Variants in CDH18 observed in about 807,000 individuals in gnomAD.
The protein encoded by CDH18 is cadherin 18.
A neutral mutation model predicts 67.9 loss-of-function variants in CDH18; 31 were observed. The observed-to-expected ratio is 0.46, with a 90% CI of 0.34 to 0.62. The LOEUF (loss-of-function observed/expected upper bound fraction) is 0.62, where lower values mean the gene tolerates loss of function less well. CDH18 is among the 20% of genes least tolerant of loss of function. The pLI is 0.01. For missense variants in CDH18, 890 were observed against 975.5 expected (o/e 0.91, Z 1.17); for synonymous variants, 362 against 347.2 (o/e 1.04, Z -0.48).
intron 3 of CDH18, among the ~76,000 whole-genome samples, chr5:19,768,089 C>T (rs1773313267): frequency 1.3e-5 from 2 of 152,120 alleles, no homozygotes; most frequent in Non-Finnish European, 2.9e-5. Flanking sequence ...GCTGGAGTTC[C>T]TTCAAGCTAC....
intron 5 of CDH18, among the ~76,000 whole-genome samples, chr5:19,694,275 A>G (rs551242345): frequency 6.6e-6 from 1 of 152,236 alleles, no homozygotes; most frequent in South Asian, 2.1e-4. Flanking sequence ...CTCTGTTTTG[A>G]GCATTGGTTA....
chr5:20,507,630 AC>A (rs1460447270), intron 1 of CDH18, among the ~76,000 whole-genome samples: 3 of 152,192 alleles, frequency 2.0e-5, no homozygotes, highest in Non-Finnish European at 4.4e-5. Flanking sequence ...AAGATACTGA[AC>A]AAAAAGACAG....
intron 1 of CDH18, among the ~76,000 whole-genome samples, chr5:20,531,799 T>A (rs1040134119): frequency 2.0e-5 from 3 of 152,028 alleles, no homozygotes; most frequent in Non-Finnish European, 4.4e-5. Flanking sequence ...GGGCTTAATA[T>A]CTAGGTGATG....
intron 2 of CDH18, among the ~76,000 whole-genome samples, chr5:20,044,548 G>A (rs1248619438): frequency 6.6e-6 from 1 of 152,020 alleles, no homozygotes; most frequent in Non-Finnish European, 1.5e-5. Context: ...TTTAAGCATT[G>A]CATTCCACTT....
intron 8 of CDH18, among the ~76,000 whole-genome samples, chr5:19,558,892 C>G (rs1467049401): frequency 6.6e-6 from 1 of 151,502 alleles, no homozygotes; most frequent in Non-Finnish European, 1.5e-5. Context: ...AACATATATG[C>G]ATCAGACCCT....
chr5:19,793,377 A>G (rs2149821107), intron 3 of CDH18, among the ~76,000 whole-genome samples: 1 of 152,266 alleles, frequency 6.6e-6, no homozygotes, highest in Non-Finnish European at 1.5e-5. Flanking sequence ...ATCTATTAAG[A>G]GGGTTTTAAG....
intron 2 of CDH18, among the ~76,000 whole-genome samples, chr5:20,215,957 CATATT>C (rs1740734880): frequency 6.6e-6 from 1 of 151,624 alleles, no homozygotes; most frequent in African/African-American, 2.4e-5. Flanking sequence ...AGGAAAAACA[CATATT>C]AAGTCTTATC....
At chr5:20,364,300 A>T (rs549375352) in intron 1 of CDH18, among the ~76,000 whole-genome samples, 15 of 152,128 alleles carry the variant, frequency 9.9e-5, no homozygotes, top group Non-Finnish European at 1.6e-4. Flanking sequence ...AAATTAAAAA[A>T]ATAATTGAAC....
intron 1 of CDH18, among the ~76,000 whole-genome samples, chr5:20,313,182 G>A (rs1272556699): frequency 6.6e-6 from 1 of 152,102 alleles, no homozygotes; most frequent in Non-Finnish European, 1.5e-5. Flanking sequence ...GCAGTCAATA[G>A]ATTTTTCAGG....
chr5:19,714,839 G>T, intron 5 of CDH18, among the ~76,000 whole-genome samples: 1 of 151,776 alleles, frequency 6.6e-6, no homozygotes, highest in Non-Finnish European at 1.5e-5. Flanking sequence ...AAGAATCTAT[G>T]AATGATAAGT....
intron 3 of CDH18, among the ~76,000 whole-genome samples, chr5:19,826,502 G>A (rs1252051819): frequency 6.6e-6 from 1 of 152,150 alleles, no homozygotes; most frequent in African/African-American, 2.4e-5. Context: ...CCTACAAAGG[G>A]AAACTCATCA....
intron 8 of CDH18, among the ~76,000 whole-genome samples, chr5:19,554,865 A>G (rs1738107239): frequency 6.6e-6 from 1 of 151,714 alleles, no homozygotes; most frequent in African/African-American, 2.4e-5. Context: ...TTAATAATTT[A>G]ATTATTTTAG....
At chr5:20,271,116 T>G (rs190872609) in intron 1 of CDH18, among the ~76,000 whole-genome samples, 2,227 of 152,030 alleles carry the variant, frequency 0.015, 32 homozygotes, top group South Asian at 0.03. Context: ...AGCCTGCACA[T>G]GTACCCCTGA....
intron 5 of CDH18, among the ~76,000 whole-genome samples, chr5:19,684,685 T>C (rs1760816226): frequency 6.6e-6 from 1 of 151,900 alleles, no homozygotes; most frequent in South Asian, 2.1e-4. Context: ...CCCTGTAATT[T>C]GGAATTGGAT....
Position 19,685,321 on chromosome 5 carries a change from C to A in CDH18, c.643+36026G>T, listed in dbSNP as rs771023238. 2.6e-5 allele frequency among the ~76,000 whole-genome samples: 4 copies of A among 152,180 alleles called. No individual in the cohort carries two copies. The East Asian group carries it at 7.7e-4, about 29-fold the overall frequency. On this transcript the variant is annotated intron_variant, in intron 5 of 12. Coordinates refer to ENST00000382275, the MANE Select transcript of CDH18 (RefSeq NM_004934.5). Reference sequence around the variant, plus strand: ...GACTCTACTAGACACCTTTCCTCTACTAGACACCTTCCCTCCAGGGACCAC... The same window carrying A: ...GACTCTACTAGACACCTTTCCTCTAATAGACACCTTCCCTCCAGGGACCAC...
chr5:20,121,964 T>A (rs1748389075), intron 2 of CDH18, among the ~76,000 whole-genome samples: 1 of 152,196 alleles, frequency 6.6e-6, no homozygotes. Flanking sequence ...GCACACGGAA[T>A]GTGGGCTTCA....
intron 1 of CDH18, among the ~76,000 whole-genome samples, chr5:20,451,428 G>A (rs533078658): frequency 1.1e-3 from 169 of 152,238 alleles, no homozygotes; most frequent in African/African-American, 4.0e-3. Context: ...CTGCACTGAT[G>A]AACATAAAAT....
At chr5:19,584,722 C>T (rs954950306) in intron 7 of CDH18, among the ~76,000 whole-genome samples, 26 of 128,242 alleles carry the variant, frequency 2.0e-4, no homozygotes, top group Admixed American at 9.9e-5. Context: ...CGGAAGCTGG[C>T]AGATCGTTTG....
intron 2 of CDH18, among the ~76,000 whole-genome samples, chr5:19,872,995 G>C (rs1410911665): frequency 1.3e-5 from 2 of 152,094 alleles, no homozygotes; most frequent in Admixed American, 1.3e-4. Flanking sequence ...AGAGGTTCTA[G>C]AGAGAAGTAT....
Sources: gnomAD v4.1 joint callset for allele counts (sites outside exome capture counted in the v4.1 genomes callset) on GRCh38, gnomAD v4.1.1 for gene constraint, MANE v1.5 for transcripts, NCBI Gene and HGNC (gene_info 2026-07-23, HGNC 2026-07-21) for gene names.